Variants in RNFT2 observed in about 807,000 individuals in gnomAD.
The protein encoded by RNFT2 is E3 ubiquitin-protein ligase RNFT2.
RNFT2 carries 36 observed loss-of-function variants against 53.0 expected under a neutral mutation model. That is an observed-to-expected ratio of 0.68 (90% CI 0.52 to 0.90). RNFT2 has a LOEUF of 0.90. Among genes scored for constraint, RNFT2 ranks in the 40% least tolerant of loss-of-function variants. The probability of loss-of-function intolerance (pLI) is 0.00; values close to 1 mark genes in which losing one functional copy is unlikely to be tolerated. For missense variants in RNFT2, 514 were observed against 585.6 expected (o/e 0.88, Z 1.26); for synonymous variants, 260 against 253.2 (o/e 1.03, Z -0.26).
chr12:116,762,705 A>G (rs1872737250), intron 5 of RNFT2, among the ~76,000 whole-genome samples: 1 of 151,732 alleles, frequency 6.6e-6, no homozygotes, highest in Non-Finnish European at 1.5e-5. Context: ...CACCACCAAG[A>G]TTACCAAGTG....
Position 116,849,568 on chromosome 12 carries a change from A to G in RNFT2, c.*120A>G, listed in dbSNP as rs1434206028. ...TACATCCTGCCTCTTGCCCTCCACC[A>G]CCTCTGACCCCAAAGTCCCGCCCCT... On this transcript the variant is annotated 3_prime_UTR_variant, in exon 11 of 11. Coordinates refer to ENST00000257575, the MANE Select transcript of RNFT2 (RefSeq NM_001382266.1). 1.3e-5 allele frequency: 19 copies of G among 1,421,178 alleles called. No homozygotes were observed. In the Admixed American group the frequency reaches 2.8e-4, roughly 21 times the overall value. 88.0% of individuals were successfully genotyped at this position (1,421,178 alleles called of 1,614,324 possible). A position where few individuals can be genotyped will look rare whatever the true frequency, so the allele number is the denominator to read the frequency against.
intron 7 of RNFT2, among the ~76,000 whole-genome samples, chr12:116,819,033 G>C (rs1292671085): frequency 6.6e-6 from 1 of 152,192 alleles, no homozygotes; most frequent in African/African-American, 2.4e-5. Flanking sequence ...GGTAATCTGG[G>C]GCAGATTCCT....
intron 6 of RNFT2, among the ~76,000 whole-genome samples, chr12:116,771,490 A>ATGT (rs1308384275): frequency 9.3e-6 from 1 of 107,596 alleles, no homozygotes; most frequent in Non-Finnish European, 1.8e-5. Context: ...AAAAAAAAAA[A>ATGT]AAAAATACGT....
chr12:116,841,523 G>A (rs559861529), intron 10 of RNFT2, among the ~76,000 whole-genome samples: 177 of 151,110 alleles, frequency 1.2e-3, no homozygotes, highest in African/African-American at 4.0e-3. Flanking sequence ...TGAGGCAGGC[G>A]GATCACCTGA....
Position 116,756,870 on chromosome 12 carries a change from T to C in RNFT2, c.627+2810T>C, listed in dbSNP as rs188777350. On this transcript the variant is annotated intron_variant, in intron 5 of 10. Coordinates refer to ENST00000257575, the MANE Select transcript of RNFT2 (RefSeq NM_001382266.1). Reference sequence around the variant, plus strand: ...AATGAATTAGGGAGGGTTCCTTCTTTCTCTATCTTGTGGAATAATGTTAAA... The same window carrying C: ...AATGAATTAGGGAGGGTTCCTTCTTCCTCTATCTTGTGGAATAATGTTAAA... Among the ~76,000 whole-genome samples, 288 of 152,296 alleles carry C rather than the reference T, an allele frequency of 1.9e-3. 1 individual carries two copies. Among genetic ancestry groups the C allele is most frequent in the African/African-American group, 5.3e-3 (221 of 41,572 alleles).
intron 10 of RNFT2, among the ~76,000 whole-genome samples, chr12:116,837,776 T>C (rs1877054300): frequency 6.6e-6 from 1 of 152,144 alleles, no homozygotes; most frequent in South Asian, 2.1e-4. Flanking sequence ...CATATCAACG[T>C]GGGTTTCTTA....
intron 6 of RNFT2, among the ~76,000 whole-genome samples, chr12:116,774,862 G>A (rs1218474498): frequency 6.6e-6 from 1 of 151,748 alleles, no homozygotes; most frequent in African/African-American, 2.4e-5. Flanking sequence ...CCATTTTCTG[G>A]GTATGATGAT....
rs370793327 is a variant in RNFT2 at position 116,835,975 on chromosome 12, G to A, written c.1048G>A (p.Gly350Arg). 5.3e-5 allele frequency: 85 copies of A among 1,613,874 alleles called. No homozygotes were observed. The African/African-American group carries it at 7.7e-4, about 15-fold the overall frequency. ...YSLCKSFDICGRVGGVRKALK... is the reference protein window; with the variant it reads ...YSLCKSFDICRRVGGVRKALK... ...CTCCTTTCAGTCCTTCGACATCTGT[G>A]GACGTGTGGGCGGAGTTAGGAAAGC... The change falls in exon 9 of 11, where the codon GGA (glycine) becomes AGA (arginine). Residue 350 changes from glycine (G) to arginine (R), a missense_variant. Coordinates refer to ENST00000257575, the MANE Select transcript of RNFT2 (RefSeq NM_001382266.1).
intron 7 of RNFT2, among the ~76,000 whole-genome samples, chr12:116,809,645 T>G (rs567183450): frequency 7.9e-5 from 12 of 152,278 alleles, no homozygotes; most frequent in Admixed American, 2.0e-4. Flanking sequence ...CCCTGCCCTC[T>G]TTTTCACAGA....
chr12:116,763,989 G>T (rs561209311), intron 5 of RNFT2, among the ~76,000 whole-genome samples: 1 of 152,022 alleles, frequency 6.6e-6, no homozygotes, highest in South Asian at 2.1e-4. Flanking sequence ...AAAGAAACTG[G>T]TATATGTATA....
chr12:116,743,729 G>A (rs186394288), intron 3 of RNFT2, among the ~76,000 whole-genome samples: 35 of 152,230 alleles, frequency 2.3e-4, no homozygotes, highest in African/African-American at 7.7e-4. Context: ...GCGACTCTGG[G>A]GTTGGCTACA....
intron 3 of RNFT2, among the ~76,000 whole-genome samples, chr12:116,745,290 G>T (rs576218161): frequency 4.0e-5 from 6 of 150,434 alleles, no homozygotes; most frequent in African/African-American, 1.5e-4. Context: ...TTCTCCTGCC[G>T]CAGCCTCCTG....
chr12:116,812,595 C>T (rs1313656131), intron 7 of RNFT2, among the ~76,000 whole-genome samples: 1 of 151,114 alleles, frequency 6.6e-6, no homozygotes, highest in Admixed American at 6.6e-5. Flanking sequence ...AGTTCAGTGG[C>T]GCGATCTCAG....
rs1348282038 is a variant in RNFT2 at position 116,835,281 on chromosome 12, A to G, written c.1033-679A>G. On this transcript the variant is annotated intron_variant, in intron 8 of 10. Transcript: ENST00000257575. ...ACCCAGGCAGGCTGCCTCTAAAGCCATAAGCTCCCAACCACACTTCTACTG... is the reference window on the plus strand; with the variant it reads ...ACCCAGGCAGGCTGCCTCTAAAGCCGTAAGCTCCCAACCACACTTCTACTG... 3.6e-5 allele frequency among the ~76,000 whole-genome samples: 4 copies of G among 110,104 alleles called. No homozygotes were observed. In the South Asian group the frequency reaches 8.8e-4, roughly 24 times the overall value. The allele number at this position is 110,104 out of a possible 152,430, so 72.2% of individuals were successfully genotyped here. A position where few individuals can be genotyped will look rare whatever the true frequency, so the allele number is the denominator to read the frequency against.
At chr12:116,811,974 A>G (rs1310584801) in intron 7 of RNFT2, among the ~76,000 whole-genome samples, 1 of 152,176 alleles carries the variant, frequency 6.6e-6, no homozygotes, top group Non-Finnish European at 1.5e-5. Context: ...CCCTCGGGTG[A>G]GTGAGTTCAC....
intron 7 of RNFT2, among the ~76,000 whole-genome samples, chr12:116,784,829 T>G (rs1428286194): frequency 6.6e-6 from 1 of 152,110 alleles, no homozygotes; most frequent in Non-Finnish European, 1.5e-5. Flanking sequence ...ACCAAAGTAG[T>G]CTCCCTCTGT....
intron 7 of RNFT2, among the ~76,000 whole-genome samples, chr12:116,826,458 C>A (rs960726824): frequency 1.6e-4 from 24 of 152,322 alleles, no homozygotes; most frequent in African/African-American, 5.8e-4. Flanking sequence ...AACCACACAT[C>A]CCATTTGGTG....
chr12:116,749,698 TG>T, intron 3 of RNFT2, 142 bp from the exon 4 acceptor site: 1 of 733,688 alleles, frequency 1.4e-6, no homozygotes, highest in Non-Finnish European at 2.2e-6. Context: ...TCTGAGGTCC[TG>T]GGAGGAAGGA....
At chr12:116,789,698 G>A (rs1592959670) in intron 7 of RNFT2, among the ~76,000 whole-genome samples, 1 of 140,082 alleles carries the variant, frequency 7.1e-6, no homozygotes, top group African/African-American at 2.7e-5. Context: ...GGATGGATGG[G>A]TGGATGGATA....
Sources: gnomAD v4.1 joint callset for allele counts (sites outside exome capture counted in the v4.1 genomes callset) on GRCh38, gnomAD v4.1.1 for gene constraint, MANE v1.5 for transcripts, NCBI Gene and HGNC (gene_info 2026-07-23, HGNC 2026-07-21) for gene names.